Variants in NFIX observed in about 807,000 individuals in gnomAD.
NFIX encodes the protein nuclear factor I X.
Under a neutral mutation model 53.3 loss-of-function variants are expected in NFIX, and 2 were observed. The observed-to-expected ratio is 0.04, with a 90% CI of 0.02 to 0.12. The LOEUF is 0.12. NFIX is among the 10% of genes least tolerant of loss of function. NFIX has a pLI of 1.00. For synonymous variants in NFIX, 244 were observed against 289.0 expected (o/e 0.84, Z 1.58); for missense variants, 310 against 674.5 (o/e 0.46, Z 5.99).
At chr19:13,008,802 A>T (rs2012165591) in intron 1 of NFIX, among the ~76,000 whole-genome samples, 1 of 152,166 alleles carries the variant, frequency 6.6e-6, no homozygotes, top group African/African-American at 2.4e-5. Flanking sequence ...ACTTGAGCTG[A>T]CACAGTAGGT....
chr19:12,995,911 G>A, intron 1 of NFIX, 47 bp downstream of exon 1: 4 of 935,590 alleles, frequency 4.3e-6, no homozygotes, highest in Non-Finnish European at 5.1e-6. Context: ...AGCGGGCGCG[G>A]GAGGCCGGCC....
At chr19:13,004,160 C>T (rs1424373945) in intron 1 of NFIX, among the ~76,000 whole-genome samples, 3 of 152,020 alleles carry the variant, frequency 2.0e-5, no homozygotes, top group African/African-American at 7.3e-5. Context: ...CAATGGAACC[C>T]CTCAACCCTC....
rs1548547 is a variant in NFIX at position 13,021,680 on chromosome 19, A to G, written c.28-3341A>G. On this transcript the variant is annotated intron_variant, in intron 1 of 10. Coordinates refer to ENST00000592199, the MANE Select transcript of NFIX (RefSeq NM_001365902.3). The surrounding 1 kb of genome is among the most constrained non-coding windows in gnomAD (Gnocchi z 4.2). ...CTGCTTTTCCTTTTATGTCATATCTATTTCCTTCTTACTGTGTTTCGAAGG... is the reference window on the plus strand; with the variant it reads ...CTGCTTTTCCTTTTATGTCATATCTGTTTCCTTCTTACTGTGTTTCGAAGG... 6.6e-6 allele frequency among the ~76,000 whole-genome samples: 1 copy of G among 151,798 alleles called. No homozygotes were observed. Among genetic ancestry groups the G allele is most frequent in the Non-Finnish European group, 1.5e-5 (1 of 67,976 alleles).
intron 8 of NFIX, among the ~76,000 whole-genome samples, chr19:13,087,774 C>CAAAAAAAAAAAAAA (rs1157966190): frequency 3.0e-4 from 8 of 26,392 alleles, no homozygotes; most frequent in African/African-American, 3.6e-4. Context: ...AAAAGAGGAC[C>CAAAAAAAAAAAAAA]AAAAAAAAAA....
intron 10 of NFIX, among the ~76,000 whole-genome samples, chr19:13,092,824 G>C (rs770211467): frequency 3.3e-5 from 5 of 152,250 alleles, no homozygotes; most frequent in Non-Finnish European, 7.3e-5. Flanking sequence ...CCCACTCTGG[G>C]GATGCCTCAG....
In NFIX at chr19:13,066,691, G is replaced by A. The variant is rs2016424731; in HGVS notation, c.560-6356G>A. ...TGAGACTCTAGGGATGACAGAGGAG[G>A]GAAAAACCTGCCACCTCAGGATGAC... On this transcript the variant is annotated intron_variant, in intron 2 of 10. Coordinates refer to ENST00000592199, the MANE Select transcript of NFIX (RefSeq NM_001365902.3). The surrounding 1 kb of genome is among the most constrained non-coding windows in gnomAD (Gnocchi z 4.2). Among the ~76,000 whole-genome samples the A allele has an allele frequency of 6.6e-6, 1 of 152,166 alleles. No homozygotes were observed. The highest frequency in any genetic ancestry group is 2.4e-5 in the African/African-American group (1 of 41,434).
rs1034658772 is a variant in NFIX at position 13,093,819 on chromosome 19, T to C, written c.1495-816T>C. On this transcript the variant is annotated intron_variant, in intron 10 of 10. Transcript: ENST00000592199. This position sits in a 1 kb window ranked among gnomAD's most constrained non-coding sequence, Gnocchi z 4.7. ...CCACAGTAGACCCTGACCCACCACT[T>C]TGCCAGGAGGTGGGGCTGGAGCCTT... Among the ~76,000 whole-genome samples, 2 of 152,050 alleles carry C rather than the reference T, an allele frequency of 1.3e-5. No homozygotes were observed. Among genetic ancestry groups the C allele is most frequent in the African/African-American group, 2.4e-5 (1 of 41,390 alleles).
rs866059718 is a variant in NFIX at position 13,055,510 on chromosome 19, T to C, written c.560-17537T>C. On this transcript the variant is annotated intron_variant, in intron 2 of 10. Coordinates refer to ENST00000592199, the MANE Select transcript of NFIX (RefSeq NM_001365902.3). The stretch of plus-strand genomic sequence containing the variant: ...CTCCCGCCAGTGCCTTGCTCCCTAA[T>C]AGCTTTTTAAGTCCAACCACATGTG... Among the ~76,000 whole-genome samples, 6 of 152,260 alleles carry C rather than the reference T, an allele frequency of 3.9e-5. No individual in the cohort carries two copies. The South Asian group carries it at 1.2e-3, about 32-fold the overall frequency.
Position 13,000,133 on chromosome 19 carries a change from G to A in NFIX, c.27+4269G>A, listed in dbSNP as rs543901344. 1.4e-3 allele frequency among the ~76,000 whole-genome samples: 220 copies of A among 152,320 alleles called. 1 individual carries two copies. Among genetic ancestry groups the A allele is most frequent in the Non-Finnish European group, 2.4e-3 (162 of 68,028 alleles). ...GCGGAGTCAAGGGCTAGGCTTTGCC[G>A]TCAGACAGAAATGGGTTCGAGCTCC... On this transcript the variant is annotated intron_variant, in intron 1 of 10. Transcript: ENST00000592199.
chr19:13,022,820 C>T lies in NFIX; in HGVS notation c.28-2201C>T, dbSNP rs995161678. 6.6e-6 allele frequency among the ~76,000 whole-genome samples: 1 copy of T among 152,154 alleles called. No homozygotes were observed. The highest frequency in any genetic ancestry group is 1.9e-4 in the East Asian group (1 of 5,184). Reference sequence around the variant, plus strand: ...CCCAGTCCCCCCCAATGCCCCACCCCACCCCCAGATTTGCTGGGTGGCTGC... The same window carrying T: ...CCCAGTCCCCCCCAATGCCCCACCCTACCCCCAGATTTGCTGGGTGGCTGC... On this transcript the variant is annotated intron_variant, in intron 1 of 10. Coordinates refer to ENST00000592199, the MANE Select transcript of NFIX (RefSeq NM_001365902.3). This position sits in a 1 kb window ranked among gnomAD's most constrained non-coding sequence, Gnocchi z 4.5.
In NFIX at chr19:13,011,968, C is replaced by T. The variant is rs565982548; in HGVS notation, c.28-13053C>T. Among the ~76,000 whole-genome samples the T allele has an allele frequency of 1.3e-5, 2 of 152,214 alleles. No homozygotes were observed. The highest frequency in any genetic ancestry group is 2.1e-4 in the South Asian group (1 of 4,826). On this transcript the variant is annotated intron_variant, in intron 1 of 10. Coordinates refer to ENST00000592199, the MANE Select transcript of NFIX (RefSeq NM_001365902.3). This position sits in a 1 kb window ranked among gnomAD's most constrained non-coding sequence, Gnocchi z 6.5. ...GGAAGGTCGTGTGCTTTCCATGTCGCGGGCAAAATGGGTGCTGACGGTCAC... is the reference window on the plus strand; with the variant it reads ...GGAAGGTCGTGTGCTTTCCATGTCGTGGGCAAAATGGGTGCTGACGGTCAC...
At chr19:13,023,947 T>TCCCCCCC in intron 1 of NFIX, 1 of 125,128 alleles carries the variant, frequency 8.0e-6, no homozygotes, top group Non-Finnish European at 1.5e-5. Flanking sequence ...TCCTCCCCCC[T>TCCCCCCC]CCCCCCACCC....
chr19:13,088,235 C>T lies in NFIX; in HGVS notation c.1402+99C>T, dbSNP rs2017907772. On this transcript the variant is annotated intron_variant, in intron 9 of 10. Transcript: ENST00000592199. This position sits in a 1 kb window ranked among gnomAD's most constrained non-coding sequence, Gnocchi z 5.9. ...GAAAAGCCTTCCCCCTCCCCACCAC[C>T]AAAGCCCCCCAACCCAGAGCACCAT... 7.2e-7 allele frequency: 1 copy of T among 1,379,908 alleles called. No homozygotes were observed. The highest frequency in any genetic ancestry group is 1.4e-5 in the South Asian group (1 of 73,772). 85.5% of individuals were successfully genotyped at this position (1,379,908 alleles called of 1,614,324 possible).
rs531948993 is a variant in NFIX at position 13,012,505 on chromosome 19, T to C, written c.28-12516T>C. Among the ~76,000 whole-genome samples, 1 of 149,800 alleles carries C rather than the reference T, an allele frequency of 6.7e-6. No homozygotes were observed. Among genetic ancestry groups the C allele is most frequent in the Non-Finnish European group, 1.5e-5 (1 of 67,238 alleles). ...TGGTGGGCATGGAGGACTGTCCCAG[T>C]TCACCATTTGCTGCGTCAAAGGCCG... On this transcript the variant is annotated intron_variant, in intron 1 of 10. Coordinates refer to ENST00000592199, the MANE Select transcript of NFIX (RefSeq NM_001365902.3). This position sits in a 1 kb window ranked among gnomAD's most constrained non-coding sequence, Gnocchi z 5.0.
chr19:13,052,016 GC>G lies in NFIX; in HGVS notation c.560-21027del, dbSNP rs1004994367. ...TCCTGCCGATTACCCACTCCTCTGT[GC>G]CCCATTTCCCTTCTGTCTTTCCTTT... On this transcript the variant is annotated intron_variant, in intron 2 of 10. Transcript: ENST00000592199. This position sits in a 1 kb window ranked among gnomAD's most constrained non-coding sequence, Gnocchi z 5.2. Among the ~76,000 whole-genome samples the G allele has an allele frequency of 3.3e-5, 5 of 152,238 alleles. No individual in the cohort carries two copies. Among genetic ancestry groups the G allele is most frequent in the Admixed American group, 2.0e-4 (3 of 15,294 alleles).
rs2012339302 is a variant in NFIX, at chr19:13,011,479, T to TGC, written c.28-13537_28-13536dup. Among the ~76,000 whole-genome samples the TGC allele has an allele frequency of 7.0e-6, 1 of 142,962 alleles. No homozygotes were observed. The highest frequency in any genetic ancestry group is 1.5e-5 in the Non-Finnish European group (1 of 65,054). 93.8% of individuals were successfully genotyped at this position (142,962 alleles called of 152,430 possible). On this transcript the variant is annotated intron_variant, in intron 1 of 10. Coordinates refer to ENST00000592199, the MANE Select transcript of NFIX (RefSeq NM_001365902.3). The surrounding 1 kb of genome is among the most constrained non-coding windows in gnomAD (Gnocchi z 6.5). ...GCCCGGGCGGTGGAGGCGAGTTCCC[T>TGC]GCGCGCATCATGGACTTCAGGAGTG...
In NFIX at chr19:13,097,651, G is replaced by A. The variant is rs150757731; in HGVS notation, c.*3002G>A. 0.035 allele frequency: 5,353 copies of A among 151,066 alleles called. 111 individuals carry two copies. Among genetic ancestry groups the A allele is most frequent in the Middle Eastern group, 0.082 (24 of 294 alleles). 9.4% of individuals were successfully genotyped at this position (151,066 alleles called of 1,614,324 possible). A position where few individuals can be genotyped will look rare whatever the true frequency, so the allele number is the denominator to read the frequency against. Reference sequence around the variant, plus strand: ...CATCCCCGTCCGGGTACGGGGGCGCGGCAGGGGTCCCCGGCCCCTCCCCCG... The same window carrying A: ...CATCCCCGTCCGGGTACGGGGGCGCAGCAGGGGTCCCCGGCCCCTCCCCCG... On this transcript the variant is annotated 3_prime_UTR_variant, in exon 11 of 11. Transcript: ENST00000592199.
chr19:12,996,494 G>C lies in NFIX; in HGVS notation c.27+630G>C, dbSNP rs1298498612. Among the ~76,000 whole-genome samples, 2 of 151,958 alleles carry C rather than the reference G, an allele frequency of 1.3e-5. No homozygotes were observed. Among genetic ancestry groups the C allele is most frequent in the Non-Finnish European group, 2.9e-5 (2 of 67,934 alleles). On this transcript the variant is annotated intron_variant, in intron 1 of 10. Coordinates refer to ENST00000592199, the MANE Select transcript of NFIX (RefSeq NM_001365902.3). This position sits in a 1 kb window ranked among gnomAD's most constrained non-coding sequence, Gnocchi z 5.2. ...ATGGGAGCGGGGCTAAGAAAATGGC[G>C]GGGCTCCCAAATTTCGGAGGGGCAG... is the stretch of plus-strand genomic sequence containing the variant.
In NFIX at chr19:13,027,768, G is replaced by A. The variant is rs12610355; in HGVS notation, c.559+2216G>A. On this transcript the variant is annotated intron_variant, in intron 2 of 10. Coordinates refer to ENST00000592199, the MANE Select transcript of NFIX (RefSeq NM_001365902.3). The surrounding 1 kb of genome is among the most constrained non-coding windows in gnomAD (Gnocchi z 4.3). ...TCCCTGCCAGCTTAAGAGATCATTC[G>A]CCCAGGAATATGAGTGAATTCATAC... Among the ~76,000 whole-genome samples the A allele has an allele frequency of 4.0e-3, 615 of 152,278 alleles. 12 individuals are homozygous for A. Among genetic ancestry groups the A allele is most frequent in the East Asian group, 0.031 (160 of 5,190 alleles).
Sources: gnomAD v4.1 joint callset for allele counts (sites outside exome capture counted in the v4.1 genomes callset) on GRCh38, gnomAD v4.1.1 for gene constraint, Gnocchi (gnomAD v3.1) non-coding constraint, MANE v1.5 for transcripts, NCBI Gene and HGNC (gene_info 2026-07-23, HGNC 2026-07-21) for gene names.